Variants in KDM5A observed in about 807,000 individuals in gnomAD.
KDM5A encodes lysine-specific demethylase 5A.
Under a neutral mutation model 193.5 loss-of-function variants are expected in KDM5A, and 42 were observed. The ratio of observed to expected loss-of-function variants is 0.22; its 90% CI spans 0.17 to 0.28. The LOEUF (loss-of-function observed/expected upper bound fraction) is 0.28, where lower values mean the gene tolerates loss of function less well. Among genes scored for constraint, KDM5A ranks in the 10% least tolerant of loss-of-function variants. KDM5A has a pLI of 1.00. For synonymous variants in KDM5A, 796 were observed against 718.1 expected (o/e 1.11, Z -1.73); for missense variants, 1,692 against 2,055.1 (o/e 0.82, Z 3.42).
chr12:340,221 C>T (rs1208642968), intron 10 of KDM5A, among the ~76,000 whole-genome samples: 3 of 152,080 alleles, frequency 2.0e-5, no homozygotes, highest in African/African-American at 7.2e-5. Context: ...GACATTGCGA[C>T]TCCATCTGGC....
chr12:342,561 G>A (rs1944019933), intron 10 of KDM5A, among the ~76,000 whole-genome samples: 1 of 152,006 alleles, frequency 6.6e-6, no homozygotes, highest in African/African-American at 2.4e-5. Context: ...CCACGTTCAA[G>A]TGATTCTCCT....
intron 19 of KDM5A, among the ~76,000 whole-genome samples, chr12:314,354 C>A (rs1565530827): frequency 6.6e-6 from 1 of 152,074 alleles, no homozygotes; most frequent in Non-Finnish European, 1.5e-5. Context: ...CGCCACCACG[C>A]CCGGCTAATT....
chr12:344,126 C>T (rs1315726936), intron 10 of KDM5A, among the ~76,000 whole-genome samples: 3 of 152,118 alleles, frequency 2.0e-5, no homozygotes, highest in African/African-American at 7.2e-5. Flanking sequence ...CATGCACAAG[C>T]TTCAATAGCC....
At chr12:309,998 T>G (rs776562643) in intron 21 of KDM5A, 34 bp from the exon 22 acceptor site, 3 of 1,602,276 alleles carry the variant, frequency 1.9e-6, no homozygotes. Context: ...TAAACTCTGG[T>G]TTTGAAAATA....
At chr12:357,108 C>CTA (rs1565544940) in intron 5 of KDM5A, among the ~76,000 whole-genome samples, 1 of 152,056 alleles carries the variant, frequency 6.6e-6, no homozygotes, top group Non-Finnish European at 1.5e-5. Context: ...AGGGGAGACC[C>CTA]CATCTCTACA....
At position 313,036 on chromosome 12, in the gene KDM5A, T is replaced by C; in HGVS notation, c.3036+20A>G. ...AACAGGCATTACCTGATAGGTGGGATAATCCAAAAGTCTTCTTACCTGAAT... is the reference window on the plus strand; with the variant it reads ...AACAGGCATTACCTGATAGGTGGGACAATCCAAAAGTCTTCTTACCTGAAT... On this transcript the variant is annotated intron_variant, in intron 20 of 27. Transcript: ENST00000399788. The C allele has an allele frequency of 6.2e-7, 1 of 1,613,432 alleles. No individual in the cohort carries two copies. The highest frequency in any genetic ancestry group is 8.5e-7 in the Non-Finnish European group (1 of 1,179,336).
At chr12:325,861 A>G (rs901393865) in intron 14 of KDM5A, among the ~76,000 whole-genome samples, 19 of 152,266 alleles carry the variant, frequency 1.2e-4, no homozygotes, top group South Asian at 2.1e-4. Flanking sequence ...TAAAAACACA[A>G]AAATTAGCTG....
chr12:366,226 GTATC>G (rs1490692626), intron 3 of KDM5A, 122 bp from the exon 4 acceptor site: 1 of 786,416 alleles, frequency 1.3e-6, no homozygotes, highest in Non-Finnish European at 2.1e-6. Flanking sequence ...CTTTCAATGA[GTATC>G]TAACCAAACT....
chr12:375,371 T>A (rs1944489365), intron 3 of KDM5A, among the ~76,000 whole-genome samples: 1 of 152,254 alleles, frequency 6.6e-6, no homozygotes, highest in Non-Finnish European at 1.5e-5. Context: ...AATTGGCTAC[T>A]GAAGCTTGTG....
chr12:301,578 A>G (rs1225354349), intron 24 of KDM5A, among the ~76,000 whole-genome samples: 1 of 152,232 alleles, frequency 6.6e-6, no homozygotes, highest in Non-Finnish European at 1.5e-5. Flanking sequence ...TATCATACTG[A>G]ATGGGTAAAA....
At chr12:341,336 TA>T (rs2137435149) in intron 10 of KDM5A, among the ~76,000 whole-genome samples, 1 of 152,350 alleles carries the variant, frequency 6.6e-6, no homozygotes, top group African/African-American at 2.4e-5. Context: ...GAACTGTTCC[TA>T]TAAAAACCAT....
intron 13 of KDM5A, among the ~76,000 whole-genome samples, chr12:330,852 AT>A (rs1424937554): frequency 6.6e-6 from 1 of 152,168 alleles, no homozygotes; most frequent in African/African-American, 2.4e-5. Context: ...ACATTAAAGG[AT>A]TTCCCCCAAA....
rs957862006 is a variant in KDM5A at position 387,197 on chromosome 12, A to G, written c.166-1223T>C. The stretch of plus-strand genomic sequence containing the variant: ...GATTTGGCCTAAATAACAGAATAAC[A>G]GTAAACCTATTTTAAAACGTTGAGT... On this transcript the variant is annotated intron_variant, in intron 1 of 27. Transcript: ENST00000399788. 2.2e-5 allele frequency: 8 copies of G among 359,508 alleles called. No individual in the cohort carries two copies. The Middle Eastern group carries it at 1.8e-3, about 83-fold the overall frequency. The allele number at this position is 359,508 out of a possible 1,614,324, so 22.3% of individuals were successfully genotyped here.
chr12:338,765 A>C (rs1466656795), intron 10 of KDM5A, among the ~76,000 whole-genome samples: 1 of 152,180 alleles, frequency 6.6e-6, no homozygotes, highest in Non-Finnish European at 1.5e-5. Flanking sequence ...AATTAACAAA[A>C]TTTAGTCAAT....
chr12:324,161 C>G (rs575978176), intron 14 of KDM5A, among the ~76,000 whole-genome samples: 1 of 152,002 alleles, frequency 6.6e-6, no homozygotes, highest in Non-Finnish European at 1.5e-5. Context: ...TAAACATTAC[C>G]CAGGCATGGT....
At chr12:332,212 T>C (rs574805897) in intron 12 of KDM5A, among the ~76,000 whole-genome samples, 1 of 152,318 alleles carries the variant, frequency 6.6e-6, no homozygotes, top group African/African-American at 2.4e-5. Context: ...ACGAGTTTCT[T>C]AAACTGATAC....
At position 284,304 on chromosome 12, in the gene KDM5A, A is replaced by C. The variant is rs2137352870; in HGVS notation, c.*1152T>G. The C allele has an allele frequency of 1.7e-5, 4 of 230,564 alleles. No homozygotes were observed. The East Asian group carries it at 2.5e-4, about 14-fold the overall frequency. The allele number at this position is 230,564 out of a possible 1,614,324, so 14.3% of individuals were successfully genotyped here. A position where few individuals can be genotyped will look rare whatever the true frequency, so the allele number is the denominator to read the frequency against. On this transcript the variant is annotated 3_prime_UTR_variant, in exon 28 of 28. Coordinates refer to ENST00000399788, the MANE Select transcript of KDM5A (RefSeq NM_001042603.3). The stretch of plus-strand genomic sequence containing the variant: ...ACAGTCAGTAGTCAGAGACATTTAG[A>C]AAAAAGTAAAAACAAGTCCTTTTTT...
chr12:374,667 A>G (rs930471511), intron 3 of KDM5A, among the ~76,000 whole-genome samples: 5 of 152,124 alleles, frequency 3.3e-5, no homozygotes, highest in African/African-American at 1.2e-4. Context: ...TCTTCCTGGC[A>G]TCGATGGTCT....
intron 3 of KDM5A, among the ~76,000 whole-genome samples, chr12:369,385 T>C (rs988124590): frequency 6.6e-5 from 10 of 152,174 alleles, no homozygotes; most frequent in African/African-American, 1.9e-4. Context: ...ACAAAGATCT[T>C]TGTCACATTT....
Sources: allele counts gnomAD v4.1 joint callset (sites outside exome capture counted in the v4.1 genomes callset), GRCh38; gene constraint gnomAD v4.1.1; transcripts MANE v1.5; gene names NCBI Gene and HGNC (gene_info 2026-07-23, HGNC 2026-07-21).